BAG3: variants seen among roughly 807,000 people sequenced by gnomAD.
The protein encoded by BAG3 is BAG cochaperone 3.
BAG3 carries 14 observed loss-of-function variants against 40.5 expected under a neutral mutation model. That is an observed-to-expected ratio of 0.35 (90% confidence interval 0.23 to 0.54). The LOEUF is 0.54. BAG3 is among the 20% of genes least tolerant of loss of function. The pLI is 0.91. For synonymous variants in BAG3, 302 were observed against 307.8 expected (o/e 0.98, Z 0.20); for missense variants, 788 against 758.6 (o/e 1.04, Z -0.46).
rs143756613 is a variant in BAG3 at position 119,670,164 on chromosome 10, C to T, written c.494C>T (p.Ser165Phe). Residue 165 changes from serine (S) to phenylalanine (F), a missense_variant, in exon 2 of 4, where the codon TCC (serine) becomes TTC (phenylalanine). Physicochemically the swap from Ser to Phe is radical, Grantham distance 155 (BLOSUM62 -2). Coordinates refer to ENST00000369085, the MANE Select transcript of BAG3 (RefSeq NM_004281.4). ...GCGGCGGCAGCCCAGCCCCCAGCCT[C>T]CCACGGACCTGAGGTAAGGAGAGGC... ...AAAAAAQPPASHGPERSQSPA... is the reference protein window; with the variant it reads ...AAAAAAQPPAFHGPERSQSPA... The T allele has an allele frequency of 6.0e-5, 96 of 1,610,214 alleles. No individual in the cohort carries two copies. Among genetic ancestry groups the T allele is most frequent in the Non-Finnish European group, 8.0e-5 (94 of 1,179,296 alleles).
At chr10:119,660,397 T>G (rs184374966) in intron 1 of BAG3, among the ~76,000 whole-genome samples, 233 of 152,348 alleles carry the variant, frequency 1.5e-3, no homozygotes, top group African/African-American at 5.4e-3. Context: ...CCTAGAGTTG[T>G]CTTTGGCTCT....
chr10:119,676,325 G>A, intron 3 of BAG3, 139 bp from the exon 4 acceptor site: 2 of 838,474 alleles, frequency 2.4e-6, no homozygotes, highest in African/African-American at 1.7e-5. Flanking sequence ...GCCATTGATT[G>A]ACTTTGAAAA....
intron 2 of BAG3, among the ~76,000 whole-genome samples, chr10:119,671,177 A>G (rs1182993213): frequency 6.6e-6 from 1 of 152,146 alleles, no homozygotes. Context: ...GCATGGTGGC[A>G]CATTCCTGTA....
In BAG3 at chr10:119,674,881, G is replaced by A. The variant is rs1292033872; in HGVS notation, c.910-1583G>A. 2.0e-5 allele frequency among the ~76,000 whole-genome samples: 3 copies of A among 152,182 alleles called. No individual in the cohort carries two copies. The East Asian group carries it at 5.8e-4, about 29-fold the overall frequency. On this transcript the variant is annotated intron_variant, in intron 3 of 3. Coordinates refer to ENST00000369085, the MANE Select transcript of BAG3 (RefSeq NM_004281.4). The stretch of plus-strand genomic sequence containing the variant: ...TCCCAGCTACTCGGGAGGCTGGGGT[G>A]GGAGGATTGCTTGAACTTGGGAGGC...
intron 1 of BAG3, chr10:119,656,749 G>A (rs1846918097): frequency 6.6e-6 from 1 of 152,142 alleles, no homozygotes; most frequent in South Asian, 2.1e-4. Context: ...TTTGGGGGGA[G>A]AGGAATGAAT....
intron 1 of BAG3, among the ~76,000 whole-genome samples, chr10:119,658,947 C>T (rs75114644): frequency 0.011 from 1,638 of 152,276 alleles, 37 homozygotes; most frequent in African/African-American, 0.037. Flanking sequence ...GTGGCCTCTC[C>T]ACACAGCAGA....
At chr10:119,660,291 C>T (rs553381528) in intron 1 of BAG3, among the ~76,000 whole-genome samples, 11 of 152,330 alleles carry the variant, frequency 7.2e-5, no homozygotes, top group South Asian at 6.2e-4. Context: ...TGCGGCTGGG[C>T]GCCCTGCTCA....
Position 119,665,144 on chromosome 10 carries a change from A to C in BAG3, c.181-4707A>C, listed in dbSNP as rs375976929. On this transcript the variant is annotated intron_variant, in intron 1 of 3. Coordinates refer to ENST00000369085, the MANE Select transcript of BAG3 (RefSeq NM_004281.4). ...TGTGTGTGTATATATATATATATAT[A>C]TTTTTTTTTTTAGTTGGAGTCTTGC... 1.0e-3 allele frequency among the ~76,000 whole-genome samples: 92 copies of C among 88,744 alleles called. 1 individual carries two copies. Among genetic ancestry groups the C allele is most frequent in the Admixed American group, 1.7e-3 (13 of 7,676 alleles). 58.2% of individuals were successfully genotyped at this position (88,744 alleles called of 152,430 possible). A position where few individuals can be genotyped will look rare whatever the true frequency, so the allele number is the denominator to read the frequency against.
chr10:119,670,225 G>T, intron 2 of BAG3, 48 bp downstream of exon 2: 2 of 1,567,332 alleles, frequency 1.3e-6, no homozygotes, highest in Non-Finnish European at 8.6e-7. Context: ...AAGCCGCTGT[G>T]CTTCCCAGGC....
Position 119,672,766 on chromosome 10 carries a change from G to T in BAG3, c.909+110G>T. 6.9e-7 allele frequency: 1 copy of T among 1,440,256 alleles called. No individual in the cohort carries two copies. 89.2% of individuals were successfully genotyped at this position (1,440,256 alleles called of 1,614,324 possible). On this transcript the variant is annotated intron_variant, in intron 3 of 3. Coordinates refer to ENST00000369085, the MANE Select transcript of BAG3 (RefSeq NM_004281.4). The surrounding 1 kb of genome is among the most constrained non-coding windows in gnomAD (Gnocchi z 4.8). ...CTTCATCCCTGCCTATTTAACATGC[G>T]TGTACCTACAGGCAAGTGAGATTCG... is the stretch of plus-strand genomic sequence containing the variant.
chr10:119,654,817 C>T (rs1589621346), intron 1 of BAG3, among the ~76,000 whole-genome samples: 1 of 152,326 alleles, frequency 6.6e-6, no homozygotes, highest in African/African-American at 2.4e-5. Context: ...GAGTGCTGTT[C>T]CCGCCAGGCC....
chr10:119,671,921 T>C lies in BAG3; in HGVS notation c.508-334T>C, dbSNP rs544671329. Among the ~76,000 whole-genome samples the C allele has an allele frequency of 6.6e-5, 10 of 152,268 alleles. No individual in the cohort carries two copies. The South Asian group carries it at 2.1e-3, about 32-fold the overall frequency. ...CCCCTGCCTCAGCCTCCTGAGTAGCTGGCACTACAGGCATGCGCCGCCACA... is the reference window on the plus strand; with the variant it reads ...CCCCTGCCTCAGCCTCCTGAGTAGCCGGCACTACAGGCATGCGCCGCCACA... On this transcript the variant is annotated intron_variant, in intron 2 of 3. Coordinates refer to ENST00000369085, the MANE Select transcript of BAG3 (RefSeq NM_004281.4).
At chr10:119,665,035 A>G (rs941906292) in intron 1 of BAG3, among the ~76,000 whole-genome samples, 3 of 149,926 alleles carry the variant, frequency 2.0e-5, no homozygotes, top group African/African-American at 7.4e-5. Flanking sequence ...CTCCTGCCTC[A>G]GCCTCCCGAG....
At chr10:119,675,908 C>CCCTG (rs1847226365) in intron 3 of BAG3, among the ~76,000 whole-genome samples, 2 of 24,402 alleles carry the variant, frequency 8.2e-5, no homozygotes, top group African/African-American at 1.7e-4. Flanking sequence ...TTCCCCCCTT[C>CCCTG]CTTCCTTCCT....
chr10:119,652,013 C>T (rs1449814650), intron 1 of BAG3, among the ~76,000 whole-genome samples, 158 bp downstream of exon 1: 1 of 151,894 alleles, frequency 6.6e-6, no homozygotes, highest in Admixed American at 6.6e-5. Flanking sequence ...CACACACTCC[C>T]GCTGCGCCCG....
At chr10:119,665,140 A>G (rs112119687) in intron 1 of BAG3, among the ~76,000 whole-genome samples, 6 of 84,338 alleles carry the variant, frequency 7.1e-5, no homozygotes, top group Admixed American at 1.3e-4. Context: ...ATATATATAT[A>G]TATATTTTTT....
chr10:119,652,067 G>GA (rs1328430919), intron 1 of BAG3, among the ~76,000 whole-genome samples: 1 of 152,060 alleles, frequency 6.6e-6, no homozygotes, highest in Non-Finnish European at 1.5e-5. Context: ...GCGTCGGGGC[G>GA]AAAGGAGGCC....
In BAG3 at chr10:119,672,137, A is replaced by G; in HGVS notation, c.508-118A>G. The G allele has an allele frequency of 7.3e-7, 1 of 1,369,046 alleles. No homozygotes were observed. Among genetic ancestry groups the G allele is most frequent in the Non-Finnish European group, 1.0e-6 (1 of 973,496 alleles). The allele number at this position is 1,369,046 out of a possible 1,614,324, so 84.8% of individuals were successfully genotyped here. On this transcript the variant is annotated intron_variant, in intron 2 of 3. Transcript: ENST00000369085. This position sits in a 1 kb window ranked among gnomAD's most constrained non-coding sequence, Gnocchi z 4.8. Reference sequence around the variant, plus strand: ...ACATTTTGAAAATTGAAAATTACAGATAGGAGGTCTTACAATATGGATTGC... The same window carrying G: ...ACATTTTGAAAATTGAAAATTACAGGTAGGAGGTCTTACAATATGGATTGC...
At chr10:119,656,342 C>T (rs970636287) in intron 1 of BAG3, among the ~76,000 whole-genome samples, 4 of 150,914 alleles carry the variant, frequency 2.7e-5, no homozygotes, top group African/African-American at 9.8e-5. Context: ...CACCTCTGAT[C>T]TGCTTCTGCC....
Sources: gnomAD v4.1 joint callset for allele counts (sites outside exome capture counted in the v4.1 genomes callset) on GRCh38, gnomAD v4.1.1 for gene constraint, Gnocchi (gnomAD v3.1) non-coding constraint, MANE v1.5 for transcripts, NCBI Gene and HGNC (gene_info 2026-07-23, HGNC 2026-07-21) for gene names.